FUT8: variants seen among roughly 807,000 people sequenced by gnomAD.
The protein encoded by FUT8 is alpha-(1,6)-fucosyltransferase.
Under a neutral mutation model 71.3 loss-of-function variants are expected in FUT8, and 29 were observed. That is an observed-to-expected ratio of 0.41 (90% CI 0.30 to 0.55). FUT8 has a LOEUF of 0.55. FUT8 is among the 20% of genes least tolerant of loss of function. The pLI is 0.34. For synonymous variants in FUT8, 254 were observed against 239.3 expected (o/e 1.06, Z -0.57); for missense variants, 544 against 702.1 (o/e 0.77, Z 2.55).
At chr14:65,567,484 T>C (rs971659083) in intron 3 of FUT8, among the ~76,000 whole-genome samples, 1 of 151,880 alleles carries the variant, frequency 6.6e-6, no homozygotes, top group East Asian at 1.9e-4. Flanking sequence ...TTTGTTCTAG[T>C]TGGTTGGTTG....
chr14:65,487,413 A>T (rs554360226), intron 2 of FUT8, among the ~76,000 whole-genome samples: 1 of 152,150 alleles, frequency 6.6e-6, no homozygotes, highest in East Asian at 1.9e-4. Flanking sequence ...AAATACAAAA[A>T]TTAGCCAGGT....
chr14:65,611,273 ACACACACACACACACACACACACACACAC>A lies in FUT8; in HGVS notation c.204-4703_204-4675del, dbSNP rs1888962628. On this transcript the variant is annotated intron_variant, in intron 3 of 10. Coordinates refer to ENST00000673929, the MANE Select transcript of FUT8 (RefSeq NM_001371533.1). ...CACACACACACACACACACACACAC[ACACACACACACACACACACACACACACAC>A]CCCCCAAGTAATAGCCTTGATTTTG... 1.2e-3 allele frequency among the ~76,000 whole-genome samples: 66 copies of A among 55,694 alleles called. 4 individuals are homozygous for A. Among genetic ancestry groups the A allele is most frequent in the African/African-American group, 2.6e-3 (29 of 11,018 alleles). The allele number at this position is 55,694 out of a possible 152,430, so 36.5% of individuals were successfully genotyped here.
intron 1 of FUT8, among the ~76,000 whole-genome samples, chr14:65,414,694 A>T (rs906095359): frequency 2.0e-5 from 3 of 152,244 alleles, no homozygotes; most frequent in Admixed American, 2.0e-4. Context: ...GACACGTACA[A>T]AGGTAGTTCC....
At chr14:65,655,617 G>A (rs1891642446) in intron 6 of FUT8, among the ~76,000 whole-genome samples, 1 of 148,620 alleles carries the variant, frequency 6.7e-6, no homozygotes, top group Non-Finnish European at 1.5e-5. Context: ...TTTTAAACAT[G>A]TGCACTTAAC....
intron 7 of FUT8, among the ~76,000 whole-genome samples, chr14:65,673,500 C>A (rs1892570166): frequency 6.6e-6 from 1 of 152,098 alleles, no homozygotes; most frequent in Admixed American, 6.6e-5. Context: ...ATTTGGGGTT[C>A]TTTTGGAAGA....
At chr14:65,712,370 A>G (rs1444148837) in intron 7 of FUT8, among the ~76,000 whole-genome samples, 2 of 152,248 alleles carry the variant, frequency 1.3e-5, no homozygotes, top group African/African-American at 4.8e-5. Context: ...TCTGAACTTT[A>G]GAGTTCAAGG....
chr14:65,538,559 A>G (rs1210989401), intron 2 of FUT8, among the ~76,000 whole-genome samples: 2 of 152,136 alleles, frequency 1.3e-5, no homozygotes, highest in African/African-American at 4.8e-5. Flanking sequence ...CAGGACCCCA[A>G]GCTCTGGCTG....
intron 7 of FUT8, among the ~76,000 whole-genome samples, chr14:65,705,327 C>G (rs1894503973): frequency 6.6e-6 from 1 of 152,136 alleles, no homozygotes; most frequent in Non-Finnish European, 1.5e-5. Flanking sequence ...TAAGTGAAAA[C>G]AGATCTCTGT....
chr14:65,407,363 T>C (rs887965076), upstream of FUT8, among the ~76,000 whole-genome samples: 2 of 152,234 alleles, frequency 1.3e-5, no homozygotes, highest in African/African-American at 2.4e-5. Flanking sequence ...TGTAAGAAGA[T>C]TGGATTGAAT....
At chr14:65,515,107 T>C (rs959873441) in intron 2 of FUT8, among the ~76,000 whole-genome samples, 2 of 147,734 alleles carry the variant, frequency 1.4e-5, no homozygotes, top group African/African-American at 5.0e-5. Context: ...GAAGTAGTGG[T>C]TGAAATTCAG....
At chr14:65,534,025 C>T (rs905488168) in intron 2 of FUT8, among the ~76,000 whole-genome samples, 12 of 152,248 alleles carry the variant, frequency 7.9e-5, no homozygotes, top group South Asian at 4.1e-4. Context: ...GGATTTGTTT[C>T]GCTAGTATTT....
intron 2 of FUT8, among the ~76,000 whole-genome samples, chr14:65,543,689 C>G (rs775262082): frequency 6.6e-6 from 1 of 152,136 alleles, no homozygotes; most frequent in Admixed American, 6.5e-5. Flanking sequence ...TAATGGGAAT[C>G]TATTCCATTT....
intron 3 of FUT8, among the ~76,000 whole-genome samples, chr14:65,598,891 A>G (rs748367870): frequency 5.3e-5 from 8 of 152,118 alleles, no homozygotes; most frequent in African/African-American, 1.4e-4. Context: ...CTGGGGTTCA[A>G]GCGATTCCCC....
intron 7 of FUT8, among the ~76,000 whole-genome samples, chr14:65,720,602 C>T (rs948206987): frequency 2.0e-5 from 3 of 152,196 alleles, no homozygotes; most frequent in Non-Finnish European, 2.9e-5. Flanking sequence ...TAAGCACTGC[C>T]TTAGCCACCT....
chr14:65,575,014 T>C (rs1194350733), intron 3 of FUT8, among the ~76,000 whole-genome samples: 1 of 152,146 alleles, frequency 6.6e-6, no homozygotes, highest in Admixed American at 6.5e-5. Context: ...TTCTTTTCTA[T>C]GAAATGTTTT....
intron 7 of FUT8, among the ~76,000 whole-genome samples, chr14:65,713,018 T>C (rs1894879672): frequency 6.6e-6 from 1 of 152,196 alleles, no homozygotes; most frequent in Non-Finnish European, 1.5e-5. Context: ...TTCGACTTTT[T>C]GTACCCATTA....
At chr14:65,737,468 A>G (rs931663952) in intron 10 of FUT8, among the ~76,000 whole-genome samples, 2 of 152,174 alleles carry the variant, frequency 1.3e-5, no homozygotes, top group African/African-American at 4.8e-5. Flanking sequence ...GAAATCGCCT[A>G]TGTGCAAAGC....
chr14:65,595,679 G>A (rs1887935091), intron 3 of FUT8, among the ~76,000 whole-genome samples: 1 of 140,324 alleles, frequency 7.1e-6, no homozygotes, highest in Non-Finnish European at 1.5e-5. Context: ...TGGGATCTCG[G>A]CTCACTGCAA....
At chr14:65,521,715 G>C (rs1359147223) in intron 2 of FUT8, among the ~76,000 whole-genome samples, 1 of 152,136 alleles carries the variant, frequency 6.6e-6, no homozygotes, top group East Asian at 1.9e-4. Context: ...CATTTTTTTG[G>C]TTTCATTTTT....
Sources: allele counts gnomAD v4.1 joint callset (sites outside exome capture counted in the v4.1 genomes callset), GRCh38; gene constraint gnomAD v4.1.1; transcripts MANE v1.5; gene names NCBI Gene and HGNC (gene_info 2026-07-23, HGNC 2026-07-21).